Variants in TMEM135 observed in about 807,000 individuals in gnomAD.
TMEM135 encodes transmembrane protein 135, also known as peroxisomal membrane protein 52.
TMEM135 carries 30 observed loss-of-function variants against 60.3 expected under a neutral mutation model. The ratio of observed to expected loss-of-function variants is 0.50; its 90% CI spans 0.37 to 0.68. TMEM135 has a LOEUF of 0.68. Among genes scored for constraint, TMEM135 ranks in the 30% least tolerant of loss-of-function variants. The probability of loss-of-function intolerance (pLI) is 0.00; values close to 1 mark genes in which losing one functional copy is unlikely to be tolerated. For synonymous variants in TMEM135, 190 were observed against 186.7 expected (o/e 1.02, Z -0.14); for missense variants, 468 against 548.8 (o/e 0.85, Z 1.47).
chr11:87,319,147 G>A, intron 13 of TMEM135, 163 bp from the exon 14 acceptor site: 1 of 648,880 alleles, frequency 1.5e-6, no homozygotes. Flanking sequence ...GAGATTACAG[G>A]TGTGAGCCAC....
intron 5 of TMEM135, among the ~76,000 whole-genome samples, chr11:87,222,716 A>G (rs1940665888): frequency 6.6e-6 from 1 of 151,958 alleles, no homozygotes; most frequent in Non-Finnish European, 1.5e-5. Context: ...AGGCAGGAGA[A>G]TGGCGTGAAC....
chr11:87,311,663 C>T (rs548977798), intron 10 of TMEM135, among the ~76,000 whole-genome samples: 196 of 151,942 alleles, frequency 1.3e-3, no homozygotes, highest in African/African-American at 4.5e-3. Flanking sequence ...AAAATACAAC[C>T]GGGTCAGAAA....
At chr11:87,150,495 A>G (rs1415262153) in intron 4 of TMEM135, among the ~76,000 whole-genome samples, 1 of 152,166 alleles carries the variant, frequency 6.6e-6, no homozygotes, top group Non-Finnish European at 1.5e-5. Context: ...TGTTCACAGT[A>G]TGGTAATACA....
At chr11:87,195,319 TTCCTTCC>T (rs1565482073) in intron 5 of TMEM135, among the ~76,000 whole-genome samples, 2 of 6,646 alleles carry the variant, frequency 3.0e-4, no homozygotes, top group African/African-American at 8.2e-4. Context: ...TTCTCTTTCC[TTCCTTCC>T]TTCCTTCCTT....
chr11:87,195,114 T>C (rs1446966947), intron 5 of TMEM135, among the ~76,000 whole-genome samples: 1 of 152,202 alleles, frequency 6.6e-6, no homozygotes, highest in Non-Finnish European at 1.5e-5. Flanking sequence ...GAATTATGTT[T>C]GTTTTACCAA....
chr11:87,245,311 A>G (rs1260981303), intron 6 of TMEM135, among the ~76,000 whole-genome samples: 1 of 144,076 alleles, frequency 6.9e-6, no homozygotes, highest in Non-Finnish European at 1.5e-5. Flanking sequence ...GTGGTGCTGA[A>G]AAAAATATAT....
chr11:87,179,188 A>G (rs1939455100), intron 5 of TMEM135, among the ~76,000 whole-genome samples: 6 of 151,840 alleles, frequency 4.0e-5, no homozygotes, highest in South Asian at 2.1e-4. Flanking sequence ...ATGTCTATTA[A>G]ATTTTCTTGC....
chr11:87,274,206 A>G (rs1444065572), intron 6 of TMEM135, among the ~76,000 whole-genome samples: 1 of 152,148 alleles, frequency 6.6e-6, no homozygotes, highest in Non-Finnish European at 1.5e-5. Flanking sequence ...AAATAATTCT[A>G]AATAAATGAA....
chr11:87,264,048 A>G lies in TMEM135; in HGVS notation c.509+27364A>G, dbSNP rs7130292. ...TTAATGTATATTTTGGATTTTACAT[A>G]TGACATAGTTTAAACTGTAGTGGAA... On this transcript the variant is annotated intron_variant, in intron 6 of 14. Transcript: ENST00000305494. 5.1e-3 allele frequency among the ~76,000 whole-genome samples: 781 copies of G among 152,132 alleles called. 12 individuals carry two copies. The highest frequency in any genetic ancestry group is 0.018 in the African/African-American group (741 of 41,580).
At chr11:87,268,035 G>A (rs905376844) in intron 6 of TMEM135, among the ~76,000 whole-genome samples, 1 of 151,570 alleles carries the variant, frequency 6.6e-6, no homozygotes, top group African/African-American at 2.4e-5. Flanking sequence ...GTGCCCTAGA[G>A]TACAGGATAA....
chr11:87,128,269 G>A (rs1307606987), intron 4 of TMEM135, among the ~76,000 whole-genome samples: 1 of 152,138 alleles, frequency 6.6e-6, no homozygotes, highest in African/African-American at 2.4e-5. Flanking sequence ...ATGTTAGCAT[G>A]TATGATTGTA....
At chr11:87,120,388 A>G (rs1002625987) in intron 4 of TMEM135, among the ~76,000 whole-genome samples, 6 of 151,664 alleles carry the variant, frequency 4.0e-5, no homozygotes, top group Non-Finnish European at 8.8e-5. Flanking sequence ...TTTAACAGTC[A>G]TGAACCACTG....
At chr11:87,194,046 T>TA (rs1939877382) in intron 5 of TMEM135, among the ~76,000 whole-genome samples, 2 of 152,154 alleles carry the variant, frequency 1.3e-5, no homozygotes, top group Admixed American at 1.3e-4. Context: ...AAAATCTTCA[T>TA]AAAATGTTTT....
intron 6 of TMEM135, among the ~76,000 whole-genome samples, chr11:87,260,847 A>G (rs1824991591): frequency 6.6e-6 from 1 of 152,156 alleles, no homozygotes; most frequent in African/African-American, 2.4e-5. Context: ...GCAGTTCCCA[A>G]ACTTTAACAT....
intron 5 of TMEM135, among the ~76,000 whole-genome samples, chr11:87,220,229 C>T (rs949880753): frequency 6.6e-6 from 1 of 152,110 alleles, no homozygotes; most frequent in African/African-American, 2.4e-5. Flanking sequence ...TTCCTTAGGG[C>T]ATTTTCTGTT....
intron 4 of TMEM135, among the ~76,000 whole-genome samples, chr11:87,119,874 C>G (rs1379503769): frequency 6.8e-6 from 1 of 146,554 alleles, no homozygotes; most frequent in East Asian, 2.0e-4. Context: ...TGCTGCAAAC[C>G]TTTACTTTTT....
At chr11:87,191,559 G>A (rs1375843766) in intron 5 of TMEM135, among the ~76,000 whole-genome samples, 2 of 152,100 alleles carry the variant, frequency 1.3e-5, no homozygotes, top group Non-Finnish European at 2.9e-5. Flanking sequence ...GATTCACTAA[G>A]TACAGTCAAC....
chr11:87,129,213 A>ATTTTTT (rs71040295), intron 4 of TMEM135, among the ~76,000 whole-genome samples: 2 of 116,256 alleles, frequency 1.7e-5, no homozygotes, highest in South Asian at 2.8e-4. Context: ...TTATTCCTTA[A>ATTTTTT]TTTTTTTTTT....
At chr11:87,255,427 T>A (rs933767320) in intron 6 of TMEM135, among the ~76,000 whole-genome samples, 1 of 152,232 alleles carries the variant, frequency 6.6e-6, no homozygotes, top group African/African-American at 2.4e-5. Context: ...ATTATTTATA[T>A]CTTTCTGGAC....
Sources: gnomAD v4.1 joint callset for allele counts (sites outside exome capture counted in the v4.1 genomes callset) on GRCh38, gnomAD v4.1.1 for gene constraint, MANE v1.5 for transcripts, NCBI Gene and HGNC (gene_info 2026-07-23, HGNC 2026-07-21) for gene names.